The following OPCML variants were observed in gnomAD, a reference collection of about 807,000 sequenced individuals.
The protein encoded by OPCML is opioid binding protein/cell adhesion molecule like, also known as opioid-binding protein/cell adhesion molecule.
In OPCML, 13 loss-of-function variants were observed where a neutral mutation model predicts 37.8. That is an observed-to-expected ratio of 0.34 (90% CI 0.22 to 0.55). The LOEUF (loss-of-function observed/expected upper bound fraction) is 0.55, where lower values mean the gene tolerates loss of function less well. Among genes scored for constraint, OPCML ranks in the 20% least tolerant of loss-of-function variants. The pLI is 0.91. For missense variants in OPCML, 341 were observed against 435.6 expected, an observed-to-expected ratio of 0.78 and a Z score of 1.93; for synonymous variants, 176 against 168.8, an observed-to-expected ratio of 1.04 and a Z score of -0.33.
intron 1 of OPCML, among the ~76,000 whole-genome samples, chr11:133,018,308 G>A (rs1354457362): frequency 6.6e-6 from 1 of 152,202 alleles, no homozygotes; most frequent in East Asian, 1.9e-4. Flanking sequence ...AAGATAGAAA[G>A]TGCAGTATAT....
chr11:133,369,641 C>G (rs1944629495), intron 1 of OPCML, among the ~76,000 whole-genome samples: 1 of 152,170 alleles, frequency 6.6e-6, no homozygotes, highest in Non-Finnish European at 1.5e-5. Flanking sequence ...TTCCACAACT[C>G]CATGCTGCAC....
intron 1 of OPCML, among the ~76,000 whole-genome samples, chr11:133,204,037 G>T (rs533884): frequency 3.6e-5 from 5 of 137,708 alleles, no homozygotes; most frequent in African/African-American, 1.1e-4. Context: ...CAGCCTGGGG[G>T]GACAGAGCGA....
intron 1 of OPCML, among the ~76,000 whole-genome samples, chr11:133,363,384 G>A (rs1036367735): frequency 3.9e-5 from 6 of 152,212 alleles, no homozygotes; most frequent in Non-Finnish European, 8.8e-5. Context: ...CTCTCTTTCA[G>A]TAGTTCCAGA....
intron 3 of OPCML, among the ~76,000 whole-genome samples, chr11:132,554,064 A>C (rs77257211): frequency 0.034 from 5,132 of 152,202 alleles, 306 homozygotes; most frequent in African/African-American, 0.12. Context: ...CCTGCCTGGA[A>C]ATTCCTGGGG....
At chr11:132,511,566 T>C (rs966096853) in intron 4 of OPCML, among the ~76,000 whole-genome samples, 2 of 152,020 alleles carry the variant, frequency 1.3e-5, no homozygotes, top group African/African-American at 4.8e-5. Context: ...AATAGACATA[T>C]AGATGAATAG....
chr11:133,314,190 G>C lies in OPCML; in HGVS notation c.61+218074C>G, dbSNP rs370440016. ...TCGGAGCTTGCAGTGAGCCGAGATCGCGCCACTGCACTCCAGCCTGGGCTA... is the reference window on the plus strand; with the variant it reads ...TCGGAGCTTGCAGTGAGCCGAGATCCCGCCACTGCACTCCAGCCTGGGCTA... On this transcript the variant is annotated intron_variant, in intron 1 of 7. Coordinates refer to ENST00000524381, the MANE Select transcript of OPCML (RefSeq NM_001012393.5). 2.3e-3 allele frequency among the ~76,000 whole-genome samples: 282 copies of C among 122,688 alleles called. 5 individuals carry two copies. Among genetic ancestry groups the C allele is most frequent in the Middle Eastern group, 0.013 (2 of 150 alleles). The allele number at this position is 122,688 out of a possible 152,430, so 80.5% of individuals were successfully genotyped here.
intron 1 of OPCML, among the ~76,000 whole-genome samples, chr11:132,961,182 G>A (rs900815369): frequency 2.0e-5 from 3 of 152,176 alleles, no homozygotes; most frequent in African/African-American, 7.2e-5. Flanking sequence ...TATAGACACT[G>A]ACACAGACAT....
chr11:132,945,843 C>T (rs947329934), intron 1 of OPCML, among the ~76,000 whole-genome samples: 1 of 152,132 alleles, frequency 6.6e-6, no homozygotes. Context: ...AGTGCAGTGG[C>T]GCAATCTCGG....
intron 1 of OPCML, among the ~76,000 whole-genome samples, chr11:133,470,898 C>T (rs74666399): frequency 6.6e-6 from 1 of 152,128 alleles, no homozygotes; most frequent in Non-Finnish European, 1.5e-5. Flanking sequence ...CCAAACAAAG[C>T]TGGTCCCTGA....
intron 2 of OPCML, among the ~76,000 whole-genome samples, chr11:132,763,169 A>G (rs1269445929): frequency 6.6e-6 from 1 of 152,108 alleles, no homozygotes; most frequent in Non-Finnish European, 1.5e-5. Context: ...TCCCAATGAG[A>G]TGAACTGGGT....
intron 1 of OPCML, among the ~76,000 whole-genome samples, chr11:133,130,743 C>T (rs1188852341): frequency 1.3e-5 from 2 of 152,070 alleles, no homozygotes; most frequent in African/African-American, 4.8e-5. Context: ...AACAGACAAA[C>T]GGATCAATGT....
At chr11:132,609,014 G>T (rs1474821299) in intron 3 of OPCML, among the ~76,000 whole-genome samples, 1 of 151,992 alleles carries the variant, frequency 6.6e-6, no homozygotes. Flanking sequence ...TGGTCTCTCT[G>T]CCTCCCCTGT....
intron 5 of OPCML, 29 bp from the exon 6 acceptor site, chr11:132,436,808 C>A (rs766191726): frequency 6.2e-7 from 1 of 1,607,914 alleles, no homozygotes; most frequent in East Asian, 2.2e-5. Flanking sequence ...CACACATGCA[C>A]AGGCATGCAC....
At chr11:132,470,593 T>C (rs1337918254) in intron 4 of OPCML, among the ~76,000 whole-genome samples, 2 of 152,184 alleles carry the variant, frequency 1.3e-5, no homozygotes, top group African/African-American at 4.8e-5. Context: ...GGAATATCAG[T>C]AGCAATAGTA....
rs116706402 is a variant in OPCML at position 133,493,738 on chromosome 11, T to A, written c.61+38526A>T. ...AAGAGTATGCATAATATTTTAAGAGTTTTTTAATGTTTTAGACATGAAGTC... is the reference window on the plus strand; with the variant it reads ...AAGAGTATGCATAATATTTTAAGAGATTTTTAATGTTTTAGACATGAAGTC... On this transcript the variant is annotated intron_variant, in intron 1 of 7. Transcript: ENST00000524381. 4.0e-5 allele frequency among the ~76,000 whole-genome samples: 6 copies of A among 151,328 alleles called. No individual in the cohort carries two copies. The East Asian group carries it at 7.8e-4, about 20-fold the overall frequency.
chr11:132,684,599 GA>G lies in OPCML; in HGVS notation c.147-27281del, dbSNP rs1423929740. 3.9e-5 allele frequency among the ~76,000 whole-genome samples: 6 copies of G among 152,190 alleles called. No individual in the cohort carries two copies. In the East Asian group the frequency reaches 1.2e-3, roughly 29 times the overall value. On this transcript the variant is annotated intron_variant, in intron 2 of 7. Coordinates refer to ENST00000524381, the MANE Select transcript of OPCML (RefSeq NM_001012393.5). ...GACAAAAGGTTCCTAATCCTGTTAT[GA>G]AAATAAATATTATAATTATAAAACC...
At chr11:132,469,971 G>A (rs1319521857) in intron 4 of OPCML, among the ~76,000 whole-genome samples, 1 of 151,422 alleles carries the variant, frequency 6.6e-6, no homozygotes, top group Non-Finnish European at 1.5e-5. Context: ...GTGTGTTTGT[G>A]GTGGGGGATG....
chr11:133,043,549 T>TAGGAG (rs1947948468), intron 1 of OPCML, among the ~76,000 whole-genome samples: 1 of 152,176 alleles, frequency 6.6e-6, no homozygotes, highest in Admixed American at 6.5e-5. Context: ...ACTGTGATAT[T>TAGGAG]GCTTTAGGAG....
intron 4 of OPCML, among the ~76,000 whole-genome samples, chr11:132,509,452 A>G (rs563784653): frequency 6.6e-6 from 1 of 152,224 alleles, no homozygotes; most frequent in Admixed American, 6.5e-5. Context: ...TGTCTCCAGG[A>G]TGTCAGAGAC....
Sources: gnomAD v4.1 joint callset for allele counts (sites outside exome capture counted in the v4.1 genomes callset) on GRCh38, gnomAD v4.1.1 for gene constraint, MANE v1.5 for transcripts, NCBI Gene and HGNC (gene_info 2026-07-23, HGNC 2026-07-21) for gene names.